Variants in LGSN observed in about 807,000 individuals in gnomAD.
LGSN encodes lengsin, lens protein with glutamine synthetase domain.
LGSN carries 21 observed loss-of-function variants against 19.5 expected under a neutral mutation model. The observed-to-expected ratio is 1.07, with a 90% CI of 0.76 to 1.55. The LOEUF is 1.55. Among genes scored for constraint, LGSN ranks in the 40% most tolerant of loss-of-function variants. LGSN has a pLI of 0.00. For synonymous variants in LGSN, 257 were observed against 215.6 expected (o/e 1.19, Z -1.68); for missense variants, 673 against 608.5 (o/e 1.11, Z -1.12).
At chr6:63,413,935 TG>T in the LGSN span, among the ~76,000 whole-genome samples, 1 of 152,180 alleles carries the variant, frequency 6.6e-6, no homozygotes, top group Non-Finnish European at 1.5e-5. Flanking sequence ...ATGGCTATCT[TG>T]AATATTAGAG....
At chr6:63,290,597 T>C (rs150960052) in intron 2 of LGSN, among the ~76,000 whole-genome samples, 23 of 152,318 alleles carry the variant, frequency 1.5e-4, no homozygotes, top group Non-Finnish European at 7.3e-5. Context: ...TATTTCTCCA[T>C]AGCAACAACT....
At chr6:63,536,606 AC>A in the LGSN span, among the ~76,000 whole-genome samples, 1 of 152,170 alleles carries the variant, frequency 6.6e-6, no homozygotes, top group South Asian at 2.1e-4. Context: ...TTGATGTATG[AC>A]TTTATAATAT....
the LGSN span, among the ~76,000 whole-genome samples, chr6:63,555,708 T>G: frequency 6.6e-6 from 1 of 151,578 alleles, no homozygotes; most frequent in African/African-American, 2.4e-5. Flanking sequence ...TTTTTTTTTT[T>G]TTTGAGACGG....
chr6:63,330,023 G>C, the LGSN span, among the ~76,000 whole-genome samples: 63 of 152,298 alleles, frequency 4.1e-4, no homozygotes, highest in African/African-American at 1.5e-3. Context: ...CCGGGGCTCA[G>C]TGAGGGTGAT....
intron 2 of LGSN, among the ~76,000 whole-genome samples, chr6:63,286,003 A>G (rs1205087916): frequency 6.6e-6 from 1 of 152,170 alleles, no homozygotes. Context: ...TTATTTGCAT[A>G]AGGATATAGC....
the LGSN span, among the ~76,000 whole-genome samples, chr6:63,566,265 T>C: frequency 6.6e-6 from 1 of 152,214 alleles, no homozygotes; most frequent in Admixed American, 6.5e-5. Flanking sequence ...TTAAAGGAAC[T>C]TGCAGGGTGT....
chr6:63,465,393 G>A, the LGSN span, among the ~76,000 whole-genome samples: 1 of 152,082 alleles, frequency 6.6e-6, no homozygotes, highest in African/African-American at 2.4e-5. Flanking sequence ...TGTTGACCAG[G>A]CTGGTCTCGA....
At chr6:63,531,450 T>A in the LGSN span, among the ~76,000 whole-genome samples, 2 of 150,392 alleles carry the variant, frequency 1.3e-5, no homozygotes, top group African/African-American at 2.4e-5. Flanking sequence ...TACATAGACA[T>A]CACAAAATCC....
chr6:63,506,259 T>G, the LGSN span, among the ~76,000 whole-genome samples: 34 of 42,900 alleles, frequency 7.9e-4, no homozygotes, highest in South Asian at 3.0e-3. Context: ...GGTGGTGTTG[T>G]TGTTGTTGTT....
At chr6:63,286,599 T>C (rs1767546302) in intron 2 of LGSN, among the ~76,000 whole-genome samples, 1 of 152,186 alleles carries the variant, frequency 6.6e-6, no homozygotes, top group African/African-American at 2.4e-5. Context: ...ATGCAGACTT[T>C]TGATTCATGC....
chr6:63,332,277 A>C, the LGSN span, among the ~76,000 whole-genome samples: 1 of 152,320 alleles, frequency 6.6e-6, no homozygotes, highest in East Asian at 1.9e-4. Flanking sequence ...AAAGCACTAG[A>C]GACAGGTAGC....
chr6:63,501,257 G>T, the LGSN span, among the ~76,000 whole-genome samples: 20 of 151,666 alleles, frequency 1.3e-4, no homozygotes, highest in Non-Finnish European at 1.9e-4. Context: ...AGCTACTGGG[G>T]ATGTTGAGGC....
chr6:63,402,424 CCTAA>C, the LGSN span, among the ~76,000 whole-genome samples: 2 of 151,414 alleles, frequency 1.3e-5, no homozygotes, highest in Non-Finnish European at 2.9e-5. Context: ...AAGGAAGAGC[CCTAA>C]CTGATAGAGA....
chr6:63,487,810 A>G, the LGSN span, among the ~76,000 whole-genome samples: 8 of 152,136 alleles, frequency 5.3e-5, no homozygotes, highest in Non-Finnish European at 8.8e-5. Context: ...GTGAAACCCC[A>G]TCTCTATTAA....
the LGSN span, among the ~76,000 whole-genome samples, chr6:63,328,858 G>A: frequency 6.8e-4 from 104 of 152,242 alleles, 3 homozygotes; most frequent in South Asian, 0.019. Flanking sequence ...TGGCTATCTC[G>A]CTGCATCCAG....
the LGSN span, among the ~76,000 whole-genome samples, chr6:63,541,016 GGGAATGAAGAAAGGAAGGAAGGAA>G: frequency 7.7e-6 from 1 of 129,156 alleles, no homozygotes; most frequent in Non-Finnish European, 1.6e-5. Flanking sequence ...AAAGGAAGGA[GGGAATGAAGAAAGGAAGGAAGGAA>G]GGAAGGAAGG....
At chr6:63,545,474 G>C in the LGSN span, among the ~76,000 whole-genome samples, 2 of 152,244 alleles carry the variant, frequency 1.3e-5, no homozygotes, top group South Asian at 4.1e-4. Context: ...AGCTGGGCGT[G>C]GTGGCACATG....
At chr6:63,412,481 G>GA in the LGSN span, among the ~76,000 whole-genome samples, 6 of 91,498 alleles carry the variant, frequency 6.6e-5, no homozygotes, top group African/African-American at 3.1e-4. Flanking sequence ...AGAGAAGAAA[G>GA]AGAAGAAAGA....
chr6:63,346,842 G>A, the LGSN span, among the ~76,000 whole-genome samples: 1 of 152,094 alleles, frequency 6.6e-6, no homozygotes, highest in Non-Finnish European at 1.5e-5. Context: ...TTGAGTTAAT[G>A]CTCGGTCATG....
Sources: allele counts gnomAD v4.1 joint callset (sites outside exome capture counted in the v4.1 genomes callset), GRCh38; gene constraint gnomAD v4.1.1; transcripts MANE v1.5; gene names NCBI Gene and HGNC (gene_info 2026-07-23, HGNC 2026-07-21).